Variants in CSMD3 observed in about 807,000 individuals in gnomAD.
CSMD3 encodes the protein CUB and Sushi multiple domains 3, also known as CUB and sushi domain-containing protein 3.
CSMD3 carries 177 observed loss-of-function variants against 435.2 expected under a neutral mutation model. The observed-to-expected ratio is 0.41, with a 90% CI of 0.36 to 0.46. CSMD3 has a LOEUF of 0.46. Ranked by LOEUF, CSMD3 falls within the 20% of genes least tolerant of loss-of-function variation. CSMD3 has a pLI of 0.34. For missense variants in CSMD3, 4,265 were observed against 4,504.6 expected (o/e 0.95, Z 1.52); for synonymous variants, 1,656 against 1,520.5 (o/e 1.09, Z -2.07).
intron 38 of CSMD3, among the ~76,000 whole-genome samples, chr8:112,370,055 A>AAGG (rs1828214973): frequency 6.7e-6 from 1 of 150,082 alleles, no homozygotes; most frequent in East Asian, 2.0e-4. Context: ...GAAGAAGAAG[A>AAGG]AGAAGAAGAA....
chr8:113,017,466 A>T (rs2131161176), intron 6 of CSMD3, among the ~76,000 whole-genome samples: 1 of 152,066 alleles, frequency 6.6e-6, no homozygotes, highest in South Asian at 2.1e-4. Flanking sequence ...CAGTTTCTAC[A>T]TATAAATATA....
At chr8:112,958,693 A>G (rs1208790286) in intron 7 of CSMD3, among the ~76,000 whole-genome samples, 2 of 152,226 alleles carry the variant, frequency 1.3e-5, no homozygotes, top group Admixed American at 1.3e-4. Context: ...GCCTACTATA[A>G]AAATTAACCA....
At chr8:112,433,351 TG>T (rs943480231) in intron 32 of CSMD3, among the ~76,000 whole-genome samples, 3 of 151,726 alleles carry the variant, frequency 2.0e-5, no homozygotes, top group African/African-American at 7.3e-5. Context: ...TAGGTCTAAT[TG>T]TTACCTTTAA....
At chr8:112,775,085 T>C (rs1485053573) in intron 13 of CSMD3, among the ~76,000 whole-genome samples, 1 of 151,842 alleles carries the variant, frequency 6.6e-6, no homozygotes, top group African/African-American at 2.4e-5. Flanking sequence ...GCTGACCTGA[T>C]ATCACCTCTC....
chr8:112,799,154 G>A (rs1225914448), intron 13 of CSMD3, among the ~76,000 whole-genome samples: 3 of 151,654 alleles, frequency 2.0e-5, no homozygotes, highest in Non-Finnish European at 3.0e-5. Context: ...TAATAAACTG[G>A]CATTTACATA....
chr8:113,006,093 T>C (rs1430594836), intron 6 of CSMD3, among the ~76,000 whole-genome samples: 1 of 152,034 alleles, frequency 6.6e-6, no homozygotes, highest in Non-Finnish European at 1.5e-5. Context: ...CACTTGCCAA[T>C]GAACTTTCCT....
chr8:113,392,889 G>A (rs553613891), intron 1 of CSMD3, among the ~76,000 whole-genome samples: 1 of 151,724 alleles, frequency 6.6e-6, no homozygotes, highest in South Asian at 2.1e-4. Context: ...GAATTGATGA[G>A]GACTTTATAC....
chr8:112,906,261 C>T (rs577818946), intron 10 of CSMD3, among the ~76,000 whole-genome samples: 1 of 151,326 alleles, frequency 6.6e-6, no homozygotes, highest in African/African-American at 2.4e-5. Context: ...GTACCTCTAA[C>T]AATCCTATGA....
Position 112,742,255 on chromosome 8 carries a change from CAGA to C in CSMD3, c.1973-52208_1973-52206del, listed in dbSNP as rs2077329759. 2.0e-5 allele frequency among the ~76,000 whole-genome samples: 3 copies of C among 151,886 alleles called. No homozygotes were observed. In the South Asian group the frequency reaches 6.2e-4, roughly 31 times the overall value. On this transcript the variant is annotated intron_variant, in intron 13 of 70. Coordinates refer to ENST00000297405, the MANE Select transcript of CSMD3 (RefSeq NM_198123.2). The stretch of plus-strand genomic sequence containing the variant: ...ATTTCTCATATTGAAATGACTTCTG[CAGA>C]AGATTATAATGTCATAAGCCTATCC...
In CSMD3 at chr8:112,261,806, C is replaced by T. The variant is rs560758609; in HGVS notation, c.9862+1833G>A. Among the ~76,000 whole-genome samples the T allele has an allele frequency of 1.2e-3, 183 of 151,994 alleles. 1 individual carries two copies. The highest frequency in any genetic ancestry group is 3.6e-3 in the African/African-American group (148 of 41,474). ...ATAGAAGTTTATGGTACTCCATATC[C>T]TCACTAATACTTGATATTGTGTAAT... is the stretch of plus-strand genomic sequence containing the variant. On this transcript the variant is annotated intron_variant, in intron 61 of 70. Coordinates refer to ENST00000297405, the MANE Select transcript of CSMD3 (RefSeq NM_198123.2).
chr8:112,304,798 T>C lies in CSMD3; in HGVS notation c.8189A>G (p.His2730Arg), dbSNP rs755683145. 5 of 1,613,912 alleles carry C rather than the reference T, an allele frequency of 3.1e-6. No homozygotes were observed. The highest frequency in any genetic ancestry group is 1.1e-5 in the South Asian group (1 of 91,080). The change falls in exon 52 of 71, where the codon CAT becomes CGT. Residue 2730 changes from histidine (H) to arginine (R), a missense_variant. Coordinates refer to ENST00000297405, the MANE Select transcript of CSMD3 (RefSeq NM_198123.2). The stretch of plus-strand genomic sequence containing the variant: ...TTCGATGGAGGCAGGACCTAGTCCA[T>C]GATAACCAGGGTCACAGCTGAAAAC... ...KVVFSCDPGY[H>R]GLGPASIECL...
chr8:112,704,109 C>T (rs2076448464), intron 13 of CSMD3, among the ~76,000 whole-genome samples: 1 of 151,954 alleles, frequency 6.6e-6, no homozygotes, highest in African/African-American at 2.4e-5. Flanking sequence ...TGAGATACAG[C>T]AAATAGAGAC....
At chr8:112,383,511 T>A (rs2131253753) in intron 37 of CSMD3, 56 bp downstream of exon 37, 1 of 1,007,190 alleles carries the variant, frequency 9.9e-7, no homozygotes. Context: ...CTCTTTAATT[T>A]TTTTTATATT....
chr8:112,955,939 G>T (rs1357771584), intron 7 of CSMD3, among the ~76,000 whole-genome samples: 2 of 151,792 alleles, frequency 1.3e-5, no homozygotes, highest in East Asian at 3.9e-4. Context: ...ATATTTATTG[G>T]TTTATGAAAC....
At chr8:113,336,189 A>G (rs1588543573) in intron 1 of CSMD3, among the ~76,000 whole-genome samples, 1 of 151,862 alleles carries the variant, frequency 6.6e-6, no homozygotes, top group East Asian at 1.9e-4. Context: ...TGTTCCCTCT[A>G]TTTGGCTGTT....
chr8:112,587,255 T>C lies in CSMD3; in HGVS notation c.3716-20A>G, dbSNP rs563892096. 9 of 1,584,162 alleles carry C rather than the reference T, an allele frequency of 5.7e-6. No individual in the cohort carries two copies. Among genetic ancestry groups the C allele is most frequent in the Admixed American group, 1.7e-5 (1 of 59,792 alleles). Reference sequence around the variant, plus strand: ...ATTCAGCTGCAGGTAAAACAGAATATTGAAGTACAGTTTAATAGATAGCAG... The same window carrying C: ...ATTCAGCTGCAGGTAAAACAGAATACTGAAGTACAGTTTAATAGATAGCAG... On this transcript the variant is annotated intron_variant, in intron 22 of 70. Coordinates refer to ENST00000297405, the MANE Select transcript of CSMD3 (RefSeq NM_198123.2).
At chr8:113,408,314 C>G (rs1453285016) in intron 1 of CSMD3, among the ~76,000 whole-genome samples, 1 of 152,058 alleles carries the variant, frequency 6.6e-6, no homozygotes, top group African/African-American at 2.4e-5. Context: ...ATACAATCTA[C>G]AAACTTGGAA....
chr8:112,835,296 A>G (rs966250751), intron 11 of CSMD3, among the ~76,000 whole-genome samples: 1 of 152,034 alleles, frequency 6.6e-6, no homozygotes, highest in Non-Finnish European at 1.5e-5. Flanking sequence ...ATAATTTAAT[A>G]CCATAACTTC....
intron 13 of CSMD3, among the ~76,000 whole-genome samples, chr8:112,726,171 A>G (rs993910735): frequency 1.3e-5 from 2 of 152,000 alleles, no homozygotes; most frequent in African/African-American, 4.8e-5. Context: ...CTATGATTCA[A>G]TTACCTCCAC....
Sources: gnomAD v4.1 joint callset for allele counts (sites outside exome capture counted in the v4.1 genomes callset) on GRCh38, gnomAD v4.1.1 for gene constraint, MANE v1.5 for transcripts, NCBI Gene and HGNC (gene_info 2026-07-23, HGNC 2026-07-21) for gene names.